DAB2IP: variants seen among roughly 807,000 people sequenced by gnomAD.
The protein encoded by DAB2IP is disabled homolog 2-interacting protein.
In DAB2IP, 28 loss-of-function variants were observed where a neutral mutation model predicts 107.2. That is an observed-to-expected ratio of 0.26 (90% confidence interval 0.19 to 0.36). DAB2IP has a LOEUF of 0.36. Ranked by LOEUF, DAB2IP falls within the 10% of genes least tolerant of loss-of-function variation. DAB2IP has a pLI of 1.00. For synonymous variants in DAB2IP, 755 were observed against 706.4 expected (o/e 1.07, Z -1.09); for missense variants, 1,400 against 1,644.7 (o/e 0.85, Z 2.57).
intron 1 of DAB2IP, among the ~76,000 whole-genome samples, chr9:121,600,101 G>A (rs2118950923): frequency 6.6e-6 from 1 of 152,238 alleles, no homozygotes; most frequent in South Asian, 2.1e-4. Context: ...CCCGCGGGCG[G>A]CGGGAGTTGG....
intron 3 of DAB2IP, among the ~76,000 whole-genome samples, chr9:121,740,358 A>G (rs1437127804): frequency 6.6e-6 from 1 of 152,086 alleles, no homozygotes; most frequent in Non-Finnish European, 1.5e-5. Flanking sequence ...CTGAATGCTG[A>G]GTCTGTTGAC....
Position 121,730,328 on chromosome 9 carries a change from C to T in DAB2IP, c.363-26685C>T, listed in dbSNP as rs546509911. Among the ~76,000 whole-genome samples, 212 of 152,298 alleles carry T rather than the reference C, an allele frequency of 1.4e-3. 1 individual carries two copies. The highest frequency in any genetic ancestry group is 2.7e-3 in the Non-Finnish European group (184 of 68,022). ...ACAGAACAGAACTGAATTGGGTCAA[C>T]GGCTATATTTGCTGTGCTCAGCTGT... On this transcript the variant is annotated intron_variant, in intron 3 of 15. Transcript: ENST00000408936.
chr9:121,770,846 A>G (rs959531039), intron 11 of DAB2IP, 122 bp downstream of exon 11: 3 of 1,339,338 alleles, frequency 2.2e-6, no homozygotes, highest in Admixed American at 2.4e-5. Flanking sequence ...GCCTGGCAAG[A>G]CTTGAGTTGT....
intron 3 of DAB2IP, among the ~76,000 whole-genome samples, chr9:121,712,627 G>A (rs999058465): frequency 6.6e-6 from 1 of 152,190 alleles, no homozygotes; most frequent in Non-Finnish European, 1.5e-5. Context: ...AGAAAGGAGA[G>A]TAAGGGGTGG....
chr9:121,777,223 A>G (rs1461163792), intron 14 of DAB2IP, among the ~76,000 whole-genome samples: 1 of 152,204 alleles, frequency 6.6e-6, no homozygotes, highest in African/African-American at 2.4e-5. Flanking sequence ...AGACCCCATC[A>G]GCTGGACAGA....
chr9:121,574,755 C>A (rs1830018506), intron 1 of DAB2IP: 1 of 152,202 alleles, frequency 6.6e-6, no homozygotes, highest in African/African-American at 2.4e-5. Context: ...GCCCCCAATC[C>A]AGGGCCCTTT....
At chr9:121,680,743 CTTTTTTTTT>C (rs78934765) in intron 2 of DAB2IP, among the ~76,000 whole-genome samples, 2 of 143,844 alleles carry the variant, frequency 1.4e-5, no homozygotes, top group African/African-American at 2.5e-5. Flanking sequence ...TTTTTTTTTT[CTTTTTTTTT>C]TTTTTTTTGA....
rs570658442 is a variant in DAB2IP at position 121,591,468 on chromosome 9, C to A, written c.40+24240C>A. Among the ~76,000 whole-genome samples the A allele has an allele frequency of 3.9e-5, 6 of 152,252 alleles. No individual in the cohort carries two copies. The South Asian group carries it at 1.2e-3, about 32-fold the overall frequency. On this transcript the variant is annotated intron_variant, in intron 1 of 16. Transcript: ENST00000259371. ...TTGGGCAACAGAGTGAGACTCTGTT[C>A]TCCTGCCAAGAAAAAAGAAATGAGG...
intron 1 of DAB2IP, among the ~76,000 whole-genome samples, chr9:121,597,897 G>A (rs926676502): frequency 2.6e-5 from 4 of 152,210 alleles, no homozygotes; most frequent in Non-Finnish European, 1.5e-5. Flanking sequence ...CATTCAACAA[G>A]TAGCTCCTGA....
rs201465083 is a variant in DAB2IP, at chr9:121,756,971, C to T, written c.363-42C>T. On this transcript the variant is annotated intron_variant, in intron 3 of 15. Transcript: ENST00000408936. Reference sequence around the variant, plus strand: ...GTGGGACATGGCAACCAGCTTGACCCGGGCTGTGGGGGCCCACCTGACACA... The same window carrying T: ...GTGGGACATGGCAACCAGCTTGACCTGGGCTGTGGGGGCCCACCTGACACA... 1,943 of 1,612,398 alleles carry T rather than the reference C, an allele frequency of 1.2e-3. 2 individuals carry two copies. The highest frequency in any genetic ancestry group is 1.5e-3 in the Non-Finnish European group (1,823 of 1,179,552).
chr9:121,745,440 C>T (rs540499866), intron 3 of DAB2IP, among the ~76,000 whole-genome samples: 52 of 152,352 alleles, frequency 3.4e-4, no homozygotes, highest in African/African-American at 1.3e-3. Context: ...CTGCTGAACA[C>T]TCCTGGTTGT....
chr9:121,772,907 C>T lies in DAB2IP; in HGVS notation c.2379C>T (p.Asn793=). 6.4e-7 allele frequency: 1 copy of T among 1,568,208 alleles called. No individual in the cohort carries two copies. Among genetic ancestry groups the T allele is most frequent in the South Asian group, 1.2e-5 (1 of 84,304 alleles). Residue 793 remains asparagine (N), a synonymous_variant, in exon 12 of 16, where the codon AAC becomes AAT. Transcript: ENST00000408936. The surrounding 1 kb of genome is among the most constrained non-coding windows in gnomAD (Gnocchi z 4.7). ...GGCCGGCCCGGGCAACCCCAGTGAA[C>T]CTGGCAGGGCTGGCCACGGTGCGGC...
intron 3 of DAB2IP, among the ~76,000 whole-genome samples, chr9:121,714,524 G>C (rs1320792138): frequency 6.6e-6 from 1 of 152,202 alleles, no homozygotes; most frequent in South Asian, 2.1e-4. Context: ...TATTATAGAG[G>C]CTGGACTCAG....
chr9:121,751,889 C>A, intron 3 of DAB2IP: 3 of 982,900 alleles, frequency 3.1e-6, no homozygotes, highest in Non-Finnish European at 3.6e-6. Flanking sequence ...GCAGGTCACC[C>A]TAGCCATGGC....
chr9:121,783,680 C>G, exon 16 of DAB2IP: 1 of 1,204,646 alleles, frequency 8.3e-7, no homozygotes, highest in Non-Finnish European at 1.2e-6. Context: ...CTGCACCTGC[C>G]CCGTGTGTGT....
intron 1 of DAB2IP, among the ~76,000 whole-genome samples, chr9:121,615,955 C>T (rs1214098579): frequency 1.3e-5 from 2 of 152,108 alleles, no homozygotes; most frequent in Non-Finnish European, 1.5e-5. Flanking sequence ...GTCGAGGTGG[C>T]GAGATGGACA....
At chr9:121,723,312 C>T (rs1011796901) in intron 3 of DAB2IP, among the ~76,000 whole-genome samples, 1 of 148,648 alleles carries the variant, frequency 6.7e-6, no homozygotes, top group African/African-American at 2.6e-5. Context: ...AAGGGATCCT[C>T]GGGATTGAGT....
chr9:121,649,856 A>C (rs182546871), upstream of DAB2IP, among the ~76,000 whole-genome samples: 1 of 152,204 alleles, frequency 6.6e-6, no homozygotes, highest in Non-Finnish European at 1.5e-5. Flanking sequence ...TTCCTGCACC[A>C]TGTCTGCTGT....
rs534765738 is a variant in DAB2IP, at chr9:121,624,973, G to A, written c.41-53705G>A. Reference sequence around the variant, plus strand: ...TGCTATAAACAGGCCTTCCTGGGCCGGGATCTCGGAGGCTAAGCACTCGCA... The same window carrying A: ...TGCTATAAACAGGCCTTCCTGGGCCAGGATCTCGGAGGCTAAGCACTCGCA... On this transcript the variant is annotated intron_variant, in intron 1 of 16. Coordinates refer to the DAB2IP transcript ENST00000259371. Among the ~76,000 whole-genome samples, 12 of 152,318 alleles carry A rather than the reference G, an allele frequency of 7.9e-5. No individual in the cohort carries two copies. In the South Asian group the frequency reaches 2.3e-3, roughly 29 times the overall value.
Sources: allele counts gnomAD v4.1 joint callset (sites outside exome capture counted in the v4.1 genomes callset), GRCh38; gene constraint gnomAD v4.1.1; non-coding constraint Gnocchi (gnomAD v3.1); transcripts MANE v1.5; gene names NCBI Gene and HGNC (gene_info 2026-07-23, HGNC 2026-07-21).